Variants in MYO18B observed in about 807,000 individuals in gnomAD.
The protein encoded by MYO18B is unconventional myosin-XVIIIb.
A neutral mutation model predicts 273.0 loss-of-function variants in MYO18B; 204 were observed. The ratio of observed to expected loss-of-function variants is 0.75; its 90% CI spans 0.67 to 0.84. The LOEUF is 0.84. Among genes scored for constraint, MYO18B ranks in the 40% least tolerant of loss-of-function variants. The pLI is 0.00. For missense variants in MYO18B, 3,212 were observed against 3,287.6 expected (o/e 0.98, Z 0.56); for synonymous variants, 1,330 against 1,305.7 (o/e 1.02, Z -0.40).
downstream of MYO18B, among the ~76,000 whole-genome samples, chr22:26,032,820 G>A (rs900071339): frequency 6.6e-5 from 10 of 152,146 alleles, no homozygotes; most frequent in Admixed American, 2.0e-4. Context: ...TAAAGGTCCC[G>A]TCTCCAAACA....
chr22:25,824,819 G>GCATGTGTGCAT (rs2089427065), intron 13 of MYO18B, among the ~76,000 whole-genome samples: 1 of 151,806 alleles, frequency 6.6e-6, no homozygotes, highest in Non-Finnish European at 1.5e-5. Flanking sequence ...ACATGCTTAT[G>GCATGTGTGCAT]CACACATGGT....
intron 32 of MYO18B, 26 bp from the exon 33 acceptor site, chr22:25,910,920 G>A: frequency 1.3e-6 from 2 of 1,540,798 alleles, no homozygotes; most frequent in South Asian, 2.4e-5. Context: ...TTTACCCTGT[G>A]ATGTTTCTTC....
intron 21 of MYO18B, among the ~76,000 whole-genome samples, chr22:25,856,350 A>C (rs2090574017): frequency 6.6e-6 from 1 of 152,230 alleles, no homozygotes; most frequent in Non-Finnish European, 1.5e-5. Flanking sequence ...CTCTGAGGGC[A>C]GGCAAAGTAT....
intron 14 of MYO18B, among the ~76,000 whole-genome samples, chr22:25,826,930 G>C (rs934688411): frequency 2.0e-5 from 3 of 152,006 alleles, no homozygotes; most frequent in Non-Finnish European, 4.4e-5. Flanking sequence ...GCGTGGTGGT[G>C]GGCGCCTGTA....
rs1195369011 is a variant in MYO18B at position 25,832,941 on chromosome 22, C to G, written c.3004C>G (p.Leu1002Val). 1.2e-6 allele frequency: 2 copies of G among 1,613,712 alleles called. No individual in the cohort carries two copies. The highest frequency in any genetic ancestry group is 2.7e-5 in the African/African-American group (2 of 74,880). ...GGAAGGTGTTCCTGTGCAGTTTGACCTCCCGGACCCCTCCCCAGGGACCAC... is the reference window on the plus strand; with the variant it reads ...GGAAGGTGTTCCTGTGCAGTTTGACGTCCCGGACCCCTCCCCAGGGACCAC... The part of the protein sequence containing the change: ...QEEGVPVQFD[L>V]PDPSPGTTVA... Residue 1002 changes from leucine to valine, a missense_variant, in exon 16 of 44, where the codon CTC becomes GTC. Leu to Val is a conservative substitution (Grantham distance 32). Coordinates refer to ENST00000335473, the MANE Select transcript of MYO18B (RefSeq NM_032608.7).
At chr22:25,849,064 G>A (rs934646177) in intron 20 of MYO18B, among the ~76,000 whole-genome samples, 2 of 152,270 alleles carry the variant, frequency 1.3e-5, no homozygotes, top group African/African-American at 4.8e-5. Context: ...AATGTCACAA[G>A]AGAAGAGGGG....
intron 40 of MYO18B, among the ~76,000 whole-genome samples, chr22:25,997,744 A>C (rs2146880945): frequency 6.6e-6 from 1 of 151,896 alleles, no homozygotes; most frequent in Admixed American, 6.6e-5. Flanking sequence ...CCATAGCAGA[A>C]CCCCCAGCTC....
intron 39 of MYO18B, among the ~76,000 whole-genome samples, chr22:25,989,767 CAAA>C (rs67095758): frequency 6.2e-5 from 5 of 80,390 alleles, no homozygotes; most frequent in Non-Finnish European, 9.3e-5. Context: ...GACTCCGTCT[CAAA>C]AAAAAAAAAA....
chr22:25,900,700 G>T (rs2091915286), intron 29 of MYO18B: 1 of 152,408 alleles, frequency 6.6e-6, no homozygotes, highest in African/African-American at 2.4e-5. Flanking sequence ...CAGGCAATTG[G>T]CTGGTCAGTG....
Position 25,996,339 on chromosome 22 carries a change from C to T in MYO18B, c.6287+3846C>T, listed in dbSNP as rs145083679. On this transcript the variant is annotated intron_variant, in intron 40 of 43. Transcript: ENST00000335473. ...AGTTTTACTGAGCACCTGTTGCGTG[C>T]GAGATGCTGTGTTAAGTGCTTGTTT... 3.9e-5 allele frequency among the ~76,000 whole-genome samples: 6 copies of T among 152,144 alleles called. No homozygotes were observed. The East Asian group carries it at 5.8e-4, about 15-fold the overall frequency.
chr22:26,006,496 C>T, intron 42 of MYO18B: 1 of 309,768 alleles, frequency 3.2e-6, no homozygotes, highest in Non-Finnish European at 6.6e-6. Context: ...TTCTCTAGCA[C>T]TGGATTAGAA....
chr22:25,768,568 A>G lies in MYO18B; in HGVS notation c.652A>G (p.Thr218Ala). 6.5e-7 allele frequency: 1 copy of G among 1,535,598 alleles called. No homozygotes were observed. The highest frequency in any genetic ancestry group is 8.7e-7 in the Non-Finnish European group (1 of 1,145,820). Residue 218 changes from threonine (T) to alanine (A), a missense_variant, in exon 4 of 44, where the codon ACT (threonine) becomes GCT (alanine). By Grantham distance (58) the Thr-to-Ala change is moderately conservative. Transcript: ENST00000335473. ...ILAPKAEKTR[T>A]GGLGDPGQGT... ...GGCCCCGAAAGCTGAGAAGACCCGG[A>G]CTGGGGGTCTTGGGGACCCAGGCCA...
chr22:26,061,270 C>A, the MYO18B span, among the ~76,000 whole-genome samples: 1 of 152,146 alleles, frequency 6.6e-6, no homozygotes, highest in Non-Finnish European at 1.5e-5. Flanking sequence ...TTTCTTTTAT[C>A]AAATTCCTGA....
At position 25,908,822 on chromosome 22, in the gene MYO18B, G is replaced by A. The variant is rs560458753; in HGVS notation, c.5259+390G>A. ...TCTTTGTAGCCATTCCGAACAGTGT[G>A]TAAGAAAGCAATAACCCCTTGACAT... On this transcript the variant is annotated intron_variant, in intron 32 of 43. Coordinates refer to ENST00000335473, the MANE Select transcript of MYO18B (RefSeq NM_032608.7). Among the ~76,000 whole-genome samples, 18 of 152,292 alleles carry A rather than the reference G, an allele frequency of 1.2e-4. 1 individual carries two copies. The South Asian group carries it at 3.5e-3, about 30-fold the overall frequency.
Position 25,890,867 on chromosome 22 carries a change from G to A in MYO18B, c.4426G>A (p.Glu1476Lys), listed in dbSNP as rs746449395. The A allele has an allele frequency of 8.7e-6, 14 of 1,613,506 alleles. No homozygotes were observed. Among genetic ancestry groups the A allele is most frequent in the African/African-American group, 1.3e-5 (1 of 74,846 alleles). Residue 1476 changes from glutamate to lysine, a missense_variant, in exon 26 of 44, where the codon GAG (glutamate) becomes AAG (lysine). Coordinates refer to ENST00000335473, the MANE Select transcript of MYO18B (RefSeq NM_032608.7). ...GCTACAGGCCTTCCGGGAGGTCCAGGAGCTCAAGGTGAGTGGTCAGGGGTG... is the reference window on the plus strand; with the variant it reads ...GCTACAGGCCTTCCGGGAGGTCCAGAAGCTCAAGGTGAGTGGTCAGGGGTG... ...ERLQAFREVQ[E>K]LKSKHEQVQK...
chr22:25,870,922 C>T (rs1022676825), intron 22 of MYO18B, among the ~76,000 whole-genome samples: 4 of 152,204 alleles, frequency 2.6e-5, no homozygotes, highest in Non-Finnish European at 4.4e-5. Context: ...AGAAAACAGT[C>T]ATTACATGCA....
intron 34 of MYO18B, among the ~76,000 whole-genome samples, chr22:25,927,422 T>C (rs2092436974): frequency 6.6e-6 from 1 of 152,160 alleles, no homozygotes; most frequent in African/African-American, 2.4e-5. Flanking sequence ...CAGTCTCCCA[T>C]AGCTCTCCCA....
intron 17 of MYO18B, among the ~76,000 whole-genome samples, chr22:25,836,830 C>T (rs1323574113): frequency 4.6e-5 from 7 of 151,928 alleles, no homozygotes; most frequent in East Asian, 1.9e-4. Flanking sequence ...GGTGTGATGG[C>T]GCATGCCTGT....
At chr22:25,834,220 C>T (rs145214645) in intron 16 of MYO18B, among the ~76,000 whole-genome samples, 1,821 of 151,544 alleles carry the variant, frequency 0.012, 31 homozygotes, top group African/African-American at 0.041. Flanking sequence ...GATCTTGGCT[C>T]ATTGCAACTT....
Sources: gnomAD v4.1 joint callset for allele counts (sites outside exome capture counted in the v4.1 genomes callset) on GRCh38, gnomAD v4.1.1 for gene constraint, MANE v1.5 for transcripts, NCBI Gene and HGNC (gene_info 2026-07-23, HGNC 2026-07-21) for gene names.